CACNA2D3: variants seen among roughly 807,000 people sequenced by gnomAD.
The protein encoded by CACNA2D3 is calcium voltage-gated channel auxiliary subunit alpha2delta 3, also known as voltage-dependent calcium channel subunit alpha-2/delta-3.
A neutral mutation model predicts 160.6 loss-of-function variants in CACNA2D3; 60 were observed. The ratio of observed to expected loss-of-function variants is 0.37; its 90% CI spans 0.30 to 0.46. The LOEUF (loss-of-function observed/expected upper bound fraction) is 0.46, where lower values mean the gene tolerates loss of function less well. CACNA2D3 is among the 20% of genes least tolerant of loss of function. The pLI is 1.00. For synonymous variants in CACNA2D3, 558 were observed against 492.9 expected (o/e 1.13, Z -1.75); for missense variants, 1,205 against 1,365.0 (o/e 0.88, Z 1.85).
intron 5 of CACNA2D3, among the ~76,000 whole-genome samples, chr3:54,558,727 T>A (rs1230414030): frequency 2.0e-5 from 3 of 152,198 alleles, no homozygotes; most frequent in African/African-American, 4.8e-5. Flanking sequence ...GCTCCATCCA[T>A]GTCACTGCAA....
chr3:54,646,206 C>G (rs866860154), intron 11 of CACNA2D3, among the ~76,000 whole-genome samples: 10 of 75,782 alleles, frequency 1.3e-4, no homozygotes, highest in African/African-American at 5.5e-4. Flanking sequence ...TTCCTTCCTT[C>G]CTTCCTTCCT....
chr3:54,823,110 C>T (rs1383238499), intron 14 of CACNA2D3, among the ~76,000 whole-genome samples: 3 of 151,936 alleles, frequency 2.0e-5, no homozygotes, highest in Non-Finnish European at 4.4e-5. Flanking sequence ...CTGCCCCAGC[C>T]TCCCAAAGTG....
At position 54,885,289 on chromosome 3, in the gene CACNA2D3, G is replaced by A; in HGVS notation, c.1921G>A (p.Asp641Asn). ...TTCTCCTTGACCCCCAGGCCTGCAT[G>A]ACTTAGAACATCCCGATGTGTCCTT... ...GNVTIEEGLHDLEHPDVSLAD... is the reference protein window; with the variant it reads ...GNVTIEEGLHNLEHPDVSLAD... Residue 641 changes from aspartate to asparagine, a missense_variant, in exon 22 of 38, where the codon GAC becomes AAC. This residue lies in a region of CACNA2D3 where 911 missense variants were observed against 1,002.2 expected (regional missense o/e 0.91). Coordinates refer to ENST00000474759, the MANE Select transcript of CACNA2D3 (RefSeq NM_018398.3). The A allele has an allele frequency of 1.2e-6, 2 of 1,613,910 alleles. No individual in the cohort carries two copies. The highest frequency in any genetic ancestry group is 1.7e-6 in the Non-Finnish European group (2 of 1,179,840).
chr3:54,514,028 T>C (rs1701504136), intron 5 of CACNA2D3, among the ~76,000 whole-genome samples: 1 of 152,348 alleles, frequency 6.6e-6, no homozygotes, highest in South Asian at 2.1e-4. Flanking sequence ...GGCCCTGTTT[T>C]TGTCAAATTG....
chr3:54,901,884 C>T (rs1462853405), intron 27 of CACNA2D3, among the ~76,000 whole-genome samples: 1 of 152,170 alleles, frequency 6.6e-6, no homozygotes, highest in Non-Finnish European at 1.5e-5. Flanking sequence ...GCACCCCCTC[C>T]CCAAGTTTTC....
At chr3:55,029,698 C>T (rs1301467978) in intron 35 of CACNA2D3, among the ~76,000 whole-genome samples, 1 of 152,286 alleles carries the variant, frequency 6.6e-6, no homozygotes, top group East Asian at 1.9e-4. Context: ...TACACATACT[C>T]AACAGTGACC....
intron 27 of CACNA2D3, among the ~76,000 whole-genome samples, chr3:54,926,402 C>T (rs1575381204): frequency 6.6e-6 from 1 of 151,976 alleles, no homozygotes; most frequent in Non-Finnish European, 1.5e-5. Context: ...AGGCTGTCTT[C>T]CTCCCTCCAG....
intron 14 of CACNA2D3, among the ~76,000 whole-genome samples, chr3:54,818,722 C>A (rs1408050406): frequency 6.6e-6 from 1 of 152,156 alleles, no homozygotes; most frequent in Non-Finnish European, 1.5e-5. Context: ...GTCAGACATC[C>A]CAAGGGACTT....
At chr3:54,510,070 G>A (rs993772567) in intron 5 of CACNA2D3, among the ~76,000 whole-genome samples, 1 of 152,142 alleles carries the variant, frequency 6.6e-6, no homozygotes, top group Non-Finnish European at 1.5e-5. Context: ...TGAATGAGTA[G>A]GTGGATGGAT....
At chr3:54,593,883 T>G (rs1211684965) in intron 9 of CACNA2D3, among the ~76,000 whole-genome samples, 1 of 152,202 alleles carries the variant, frequency 6.6e-6, no homozygotes, top group Non-Finnish European at 1.5e-5. Context: ...AGCAGCTTTG[T>G]AGAGTTAAGG....
intron 27 of CACNA2D3, among the ~76,000 whole-genome samples, chr3:54,922,535 T>C (rs1040598632): frequency 9.9e-5 from 15 of 152,158 alleles, no homozygotes; most frequent in African/African-American, 3.6e-4. Flanking sequence ...TGGATATTGA[T>C]TATGTAATTT....
At chr3:54,176,902 G>C (rs146973817) in intron 2 of CACNA2D3, among the ~76,000 whole-genome samples, 1 of 152,226 alleles carries the variant, frequency 6.6e-6, no homozygotes, top group East Asian at 1.9e-4. Context: ...GCCCAGTGTG[G>C]CATTAGGGAG....
intron 3 of CACNA2D3, among the ~76,000 whole-genome samples, chr3:54,367,192 A>AT (rs35577807): frequency 0.19 from 28,621 of 151,828 alleles, 2,890 homozygotes; most frequent in Middle Eastern, 0.28. Flanking sequence ...TTTCTTAGAG[A>AT]TTTTTTTTTA....
intron 11 of CACNA2D3, among the ~76,000 whole-genome samples, chr3:54,647,380 A>T (rs1051965109): frequency 6.6e-6 from 1 of 152,228 alleles, no homozygotes; most frequent in Non-Finnish European, 1.5e-5. Flanking sequence ...GGCTTAAAAT[A>T]ACAATAATTT....
intron 12 of CACNA2D3, among the ~76,000 whole-genome samples, chr3:54,762,081 G>A (rs541385280): frequency 4.6e-5 from 7 of 152,022 alleles, no homozygotes; most frequent in Non-Finnish European, 7.4e-5. Context: ...TTAGAGGCAC[G>A]GGGAGGAAAC....
chr3:54,559,630 G>A (rs988363372), intron 5 of CACNA2D3, among the ~76,000 whole-genome samples: 6 of 152,112 alleles, frequency 3.9e-5, no homozygotes, highest in Admixed American at 6.5e-5. Context: ...ACATGTGCAG[G>A]TTTGTTATAT....
At chr3:54,212,264 T>C (rs1418705383) in intron 2 of CACNA2D3, among the ~76,000 whole-genome samples, 3 of 152,102 alleles carry the variant, frequency 2.0e-5, no homozygotes, top group Non-Finnish European at 4.4e-5. Context: ...ACATAATACA[T>C]CAATCAGTAT....
Position 54,755,084 on chromosome 3 carries a change from G to C in CACNA2D3, c.1246+2407G>C, listed in dbSNP as rs116018130. On this transcript the variant is annotated intron_variant, in intron 12 of 37. Transcript: ENST00000474759. ...GGAATGGCCACCCCATACCATGCAT[G>C]CCCATCCATCCACGCAACAATACTG... Among the ~76,000 whole-genome samples the C allele has an allele frequency of 5.8e-3, 888 of 152,310 alleles. 9 individuals carry two copies. Among genetic ancestry groups the C allele is most frequent in the African/African-American group, 0.02 (848 of 41,554 alleles).
chr3:55,061,098 GAATA>G (rs532314086), intron 35 of CACNA2D3, among the ~76,000 whole-genome samples: 14 of 152,300 alleles, frequency 9.2e-5, no homozygotes, highest in African/African-American at 3.4e-4. Context: ...GTCTACAACA[GAATA>G]AATACCACCA....
Sources: allele counts gnomAD v4.1 joint callset (sites outside exome capture counted in the v4.1 genomes callset), GRCh38; gene constraint gnomAD v4.1.1; regional missense constraint gnomAD v4.1.1; transcripts MANE v1.5; gene names NCBI Gene and HGNC (gene_info 2026-07-23, HGNC 2026-07-21).